The following WDFY4 variants were observed in gnomAD, a reference collection of about 807,000 sequenced individuals.
WDFY4 encodes the protein WD repeat- and FYVE domain-containing protein 4.
WDFY4 carries 169 observed loss-of-function variants against 351.9 expected under a neutral mutation model. That is an observed-to-expected ratio of 0.48 (90% CI 0.42 to 0.55). The LOEUF is 0.55. WDFY4 is among the 20% of genes least tolerant of loss of function. WDFY4 has a pLI of 0.00. For missense variants in WDFY4, 3,803 were observed against 3,935.6 expected (o/e 0.97, Z 0.90); for synonymous variants, 1,622 against 1,574.6 (o/e 1.03, Z -0.71).
chr10:48,729,579 T>C lies in WDFY4; in HGVS notation c.1119T>C (p.His373=). 2.6e-6 allele frequency: 4 copies of C among 1,551,720 alleles called. No individual in the cohort carries two copies. The highest frequency in any genetic ancestry group is 3.5e-6 in the Non-Finnish European group (4 of 1,146,988). Reference sequence around the variant, plus strand: ...AGCTTGAAGGCTTCAAGTTCCATCATGAGGCATCTGGTGAGTCTTTCCTGT... The same window carrying C: ...AGCTTGAAGGCTTCAAGTTCCATCACGAGGCATCTGGTGAGTCTTTCCTGT... ...YPQLEGFKFH[H]EASGVTVKNL... Residue 373 remains histidine (H), a synonymous_variant, in exon 8 of 62, where the codon CAT becomes CAC. Coordinates refer to ENST00000325239, the MANE Select transcript of WDFY4 (RefSeq NM_001394531.1).
At chr10:48,958,914 G>T (rs1841731745) in intron 52 of WDFY4, among the ~76,000 whole-genome samples, 1 of 152,168 alleles carries the variant, frequency 6.6e-6, no homozygotes, top group Non-Finnish European at 1.5e-5. Context: ...GAGAGCAGGG[G>T]AGCTTTTATT....
chr10:48,953,249 G>C (rs1052461083), intron 51 of WDFY4, among the ~76,000 whole-genome samples: 1 of 151,864 alleles, frequency 6.6e-6, no homozygotes, highest in Non-Finnish European at 1.5e-5. Flanking sequence ...GGACACAGGG[G>C]CTGGGTTCAT....
At chr10:48,882,474 A>G (rs554978666) in intron 43 of WDFY4, among the ~76,000 whole-genome samples, 1 of 152,282 alleles carries the variant, frequency 6.6e-6, no homozygotes, top group East Asian at 1.9e-4. Flanking sequence ...TGGTCCTGTG[A>G]GGCAGGTGTG....
chr10:48,786,242 G>A (rs1419306442), intron 19 of WDFY4, among the ~76,000 whole-genome samples: 2 of 152,008 alleles, frequency 1.3e-5, no homozygotes, highest in Admixed American at 1.3e-4. Flanking sequence ...AAAATTCCTT[G>A]GAACTTTCTA....
At chr10:48,709,026 G>C (rs1208864967) in intron 1 of WDFY4, among the ~76,000 whole-genome samples, 2 of 149,562 alleles carry the variant, frequency 1.3e-5, no homozygotes, top group Non-Finnish European at 1.5e-5. Context: ...CCCCAAACAG[G>C]CTTTAGTGTG....
At chr10:48,900,712 G>T (rs1254058537) in intron 46 of WDFY4, among the ~76,000 whole-genome samples, 1 of 152,154 alleles carries the variant, frequency 6.6e-6, no homozygotes, top group African/African-American at 2.4e-5. Flanking sequence ...AATTTTAGTT[G>T]CTCCAATTTC....
rs567969760 is a variant in WDFY4, at chr10:48,839,794, A to G, written c.6663+7085A>G. Among the ~76,000 whole-genome samples, 5 of 152,390 alleles carry G rather than the reference A, an allele frequency of 3.3e-5. No homozygotes were observed. In the South Asian group the frequency reaches 1.0e-3, roughly 32 times the overall value. On this transcript the variant is annotated intron_variant, in intron 39 of 61. Transcript: ENST00000325239. ...TTAAAGAGGACTATCTGTTAGATAA[A>G]TAAAACCACTCAGAAAGGAAAGTAT...
chr10:48,857,353 C>T (rs145925057), intron 39 of WDFY4, among the ~76,000 whole-genome samples: 64 of 151,162 alleles, frequency 4.2e-4, no homozygotes, highest in Non-Finnish European at 6.6e-4. Context: ...TTTTTTCCTC[C>T]TATAAGCTCT....
At chr10:48,713,667 C>T (rs2063824471) in intron 2 of WDFY4, among the ~76,000 whole-genome samples, 1 of 152,166 alleles carries the variant, frequency 6.6e-6, no homozygotes, top group South Asian at 2.1e-4. Flanking sequence ...GATTCTCATC[C>T]AGAACAGCAG....
At position 48,729,463 on chromosome 10, in the gene WDFY4, C is replaced by A. The variant is rs1410195003; in HGVS notation, c.1003C>A (p.Pro335Thr). 6.4e-7 allele frequency: 1 copy of A among 1,551,344 alleles called. No individual in the cohort carries two copies. The highest frequency in any genetic ancestry group is 1.4e-5 in the African/African-American group (1 of 73,040). ...TGGGCTGACCCAGAGCGAAGTGGACCCGCATCTGGAGGAGCTCCTTGGGCT... is the reference window on the plus strand; with the variant it reads ...TGGGCTGACCCAGAGCGAAGTGGACACGCATCTGGAGGAGCTCCTTGGGCT... The part of the protein sequence containing the change: ...YDGLTQSEVD[P>T]HLEELLGLVV... The change falls in exon 8 of 62, where the codon CCG (proline) becomes ACG (threonine). Residue 335 changes from proline to threonine, a missense_variant. By Grantham distance (38) the Pro-to-Thr change is conservative. Coordinates refer to ENST00000325239, the MANE Select transcript of WDFY4 (RefSeq NM_001394531.1).
chr10:48,922,796 A>C (rs547962616), intron 47 of WDFY4, among the ~76,000 whole-genome samples: 1 of 152,334 alleles, frequency 6.6e-6, no homozygotes, highest in African/African-American at 2.4e-5. Flanking sequence ...AAACGTCTAC[A>C]TGAATGGAAT....
intron 4 of WDFY4, 60 bp from the exon 5 acceptor site, chr10:48,723,373 C>T: frequency 6.5e-7 from 1 of 1,531,216 alleles, no homozygotes; most frequent in Non-Finnish European, 8.8e-7. Context: ...GATCCTGGGT[C>T]TGGGCTGACC....
At chr10:48,876,996 T>C in intron 42 of WDFY4, 37 bp from the exon 43 acceptor site, 2 of 1,440,934 alleles carry the variant, frequency 1.4e-6, no homozygotes, top group Non-Finnish European at 1.8e-6. Context: ...GTCAGGTGGC[T>C]CCTGTCAACA....
chr10:48,734,942 ATTTTT>A (rs3079302), intron 10 of WDFY4, among the ~76,000 whole-genome samples: 1 of 123,330 alleles, frequency 8.1e-6, no homozygotes, highest in South Asian at 2.6e-4. Context: ...TGCACGGCTA[ATTTTT>A]TTTTTTTTTT....
chr10:48,883,042 C>T (rs1322574432), intron 43 of WDFY4, among the ~76,000 whole-genome samples: 2 of 152,344 alleles, frequency 1.3e-5, no homozygotes, highest in South Asian at 2.1e-4. Context: ...GGACAAGTTA[C>T]ATAACCTTTC....
intron 39 of WDFY4, among the ~76,000 whole-genome samples, chr10:48,848,548 C>T (rs1301804356): frequency 6.6e-6 from 1 of 152,066 alleles, no homozygotes; most frequent in Admixed American, 6.5e-5. Flanking sequence ...TTAATCCTGA[C>T]CCCTGGGGTA....
At chr10:48,800,561 CAGGAAGTTGTAAGACAGAGTTGGAT>C (rs2067032805) in intron 24 of WDFY4, among the ~76,000 whole-genome samples, 2 of 151,858 alleles carry the variant, frequency 1.3e-5, no homozygotes, top group South Asian at 2.1e-4. Flanking sequence ...CAAGGTTGGA[CAGGAAGTTGTAAGACAGAGTTGGAT>C]AGGAAGTTGT....
intron 35 of WDFY4, chr10:48,823,047 C>A (rs2067877023): frequency 3.0e-6 from 3 of 994,934 alleles, no homozygotes; most frequent in African/African-American, 3.4e-5. Context: ...GGTATAGTTA[C>A]ATACCTACCT....
chr10:48,888,377 G>T (rs2070554543), intron 43 of WDFY4, among the ~76,000 whole-genome samples: 1 of 149,856 alleles, frequency 6.7e-6, no homozygotes, highest in Non-Finnish European at 1.5e-5. Context: ...AGTTAGTCCA[G>T]TAGCAGCTCC....
Sources: gnomAD v4.1 joint callset for allele counts (sites outside exome capture counted in the v4.1 genomes callset) on GRCh38, gnomAD v4.1.1 for gene constraint, MANE v1.5 for transcripts, NCBI Gene and HGNC (gene_info 2026-07-23, HGNC 2026-07-21) for gene names.